GFRA2: variants seen among roughly 807,000 people sequenced by gnomAD.
GFRA2 encodes the protein GDNF family receptor alpha 2.
A neutral mutation model predicts 48.3 loss-of-function variants in GFRA2; 17 were observed. The observed-to-expected ratio is 0.35, with a 90% CI of 0.24 to 0.53. The LOEUF is 0.53. Among genes scored for constraint, GFRA2 ranks in the 20% least tolerant of loss-of-function variants. The pLI is 0.93. For synonymous variants in GFRA2, 305 were observed against 257.2 expected (o/e 1.19, Z -1.78); for missense variants, 660 against 637.3 (o/e 1.04, Z -0.38).
chr8:21,757,314 C>G (rs541628442), intron 3 of GFRA2, among the ~76,000 whole-genome samples: 1 of 152,308 alleles, frequency 6.6e-6, no homozygotes, highest in South Asian at 2.1e-4. Context: ...GGCTGTGATT[C>G]CAGACACTGG....
chr8:21,693,024 G>T lies in GFRA2; in HGVS notation c.*254C>A. 1 of 336,612 alleles carries T rather than the reference G, an allele frequency of 3.0e-6. No individual in the cohort carries two copies. The highest frequency in any genetic ancestry group is 5.4e-6 in the Non-Finnish European group (1 of 183,496). The allele number at this position is 336,612 out of a possible 1,614,324, so 20.9% of individuals were successfully genotyped here. ...GTGAAGGGCATTTCTAGAGCCTCGT[G>T]CCCTCCCCGGCACCAGAGTTTCCCC... is the stretch of plus-strand genomic sequence containing the variant. On this transcript the variant is annotated 3_prime_UTR_variant, in exon 9 of 9. Coordinates refer to ENST00000524240, the MANE Select transcript of GFRA2 (RefSeq NM_001495.5).
At chr8:21,744,537 C>T (rs1804901750) in intron 4 of GFRA2, among the ~76,000 whole-genome samples, 1 of 129,580 alleles carries the variant, frequency 7.7e-6, no homozygotes. Flanking sequence ...CCCACGACCC[C>T]CCAACCACCA....
intron 4 of GFRA2, among the ~76,000 whole-genome samples, chr8:21,720,043 C>T (rs1803519477): frequency 1.3e-5 from 2 of 152,230 alleles, no homozygotes; most frequent in Admixed American, 1.3e-4. Context: ...CCAACATTGC[C>T]TCTCCCTTCA....
rs1563209422 is a variant in GFRA2 at position 21,694,075 on chromosome 8, T to TATATATATATA, written c.1272+388_1272+389insTATATATATAT. Among the ~76,000 whole-genome samples, 75 of 49,126 alleles carry TATATATATATA rather than the reference T, an allele frequency of 1.5e-3. 3 individuals carry two copies. Among genetic ancestry groups the TATATATATATA allele is most frequent in the African/African-American group, 6.7e-3 (61 of 9,056 alleles). 32.2% of individuals were successfully genotyped at this position (49,126 alleles called of 152,430 possible). On this transcript the variant is annotated intron_variant, in intron 8 of 8. Transcript: ENST00000524240. ...TATATTTATATATATATTTATTTAT[T>TATATATATATA]TTTATATATATATATATTTCCTATA...
chr8:21,747,756 CCACACACA>C (rs61578379), intron 4 of GFRA2, among the ~76,000 whole-genome samples: 3,162 of 139,134 alleles, frequency 0.023, 84 homozygotes, highest in African/African-American at 0.06. Context: ...CCATCTTCCA[CCACACACA>C]CACACACACA....
intron 3 of GFRA2, among the ~76,000 whole-genome samples, chr8:21,760,629 G>A (rs550468667): frequency 6.6e-6 from 1 of 152,318 alleles, no homozygotes; most frequent in East Asian, 1.9e-4. Context: ...CAGGGATGTT[G>A]AATAGGCAGA....
chr8:21,788,674 G>GA lies in GFRA2; in HGVS notation c.-516dup, dbSNP rs1384465071. 98 of 985,992 alleles carry GA rather than the reference G, an allele frequency of 9.9e-5. No individual in the cohort carries two copies. Among genetic ancestry groups the GA allele is most frequent in the Non-Finnish European group, 1.1e-4 (92 of 830,436 alleles). 61.1% of individuals were successfully genotyped at this position (985,992 alleles called of 1,614,324 possible). On this transcript the variant is annotated 5_prime_UTR_variant, in exon 1 of 9. Transcript: ENST00000524240. ...AGAACAATCCAGTCGGAGCTTCGAG[G>GA]ACGAGAGACTGGAGTCGCTTCTTTC... is the stretch of plus-strand genomic sequence containing the variant.
chr8:21,692,542 A>G lies in GFRA2; in HGVS notation c.*736T>C, dbSNP rs1291246709. On this transcript the variant is annotated 3_prime_UTR_variant, in exon 9 of 9. Transcript: ENST00000524240. ...ACTTCAAAATTTCTGCCACCGAGAAAGAAGCTGGTGCCCAAGTTTTAATGC... is the reference window on the plus strand; with the variant it reads ...ACTTCAAAATTTCTGCCACCGAGAAGGAAGCTGGTGCCCAAGTTTTAATGC... The G allele has an allele frequency of 6.6e-6, 1 of 152,036 alleles. No individual in the cohort carries two copies. Among genetic ancestry groups the G allele is most frequent in the East Asian group, 1.9e-4 (1 of 5,160 alleles). The allele number at this position is 152,036 out of a possible 1,614,324, so 9.4% of individuals were successfully genotyped here.
Position 21,759,754 on chromosome 8 carries a change from T to C in GFRA2, c.440-8812A>G, listed in dbSNP as rs528406663. 5.9e-5 allele frequency among the ~76,000 whole-genome samples: 9 copies of C among 151,756 alleles called. No homozygotes were observed. The South Asian group carries it at 1.7e-3, about 28-fold the overall frequency. ...AAATACAAAAATGAGCCGAGTGTGG[T>C]GGCATGTGCCTGTAATCCCAGCTAC... is the stretch of plus-strand genomic sequence containing the variant. On this transcript the variant is annotated intron_variant, in intron 3 of 8. Coordinates refer to ENST00000524240, the MANE Select transcript of GFRA2 (RefSeq NM_001495.5).
chr8:21,740,426 A>G (rs903440146), intron 4 of GFRA2, among the ~76,000 whole-genome samples: 2 of 152,192 alleles, frequency 1.3e-5, no homozygotes, highest in Non-Finnish European at 2.9e-5. Flanking sequence ...ACTTCTGTGT[A>G]AGAGTCACCA....
Position 21,788,335 on chromosome 8 carries a change from G to GAGGGGGTGGGGTGAGAGGC in GFRA2, c.-195_-177dup. The GAGGGGGTGGGGTGAGAGGC allele has an allele frequency of 7.3e-7, 1 of 1,378,020 alleles. No homozygotes were observed. The highest frequency in any genetic ancestry group is 9.4e-7 in the Non-Finnish European group (1 of 1,069,022). The allele number at this position is 1,378,020 out of a possible 1,614,324, so 85.4% of individuals were successfully genotyped here. A position where few individuals can be genotyped will look rare whatever the true frequency, so the allele number is the denominator to read the frequency against. Reference sequence around the variant, plus strand: ...GTCCTGCGATTCTCGCCTCTGGCTGGAGGGGGTGGGGTGAGAGGCGGGCGA... The same window carrying GAGGGGGTGGGGTGAGAGGC: ...GTCCTGCGATTCTCGCCTCTGGCTGGAGGGGGTGGGGTGAGAGGCAGGGGGTGGGGTGAGAGGCGGGCGA... On this transcript the variant is annotated 5_prime_UTR_variant, in exon 1 of 9. Transcript: ENST00000524240.
intron 6 of GFRA2, 137 bp downstream of exon 6, chr8:21,704,848 C>T: frequency 1.4e-6 from 1 of 719,350 alleles, no homozygotes; most frequent in Non-Finnish European, 2.4e-6. Flanking sequence ...CCCAAGGTCC[C>T]CACGGGCAAC....
intron 3 of GFRA2, among the ~76,000 whole-genome samples, chr8:21,753,251 G>T (rs570346461): frequency 3.9e-5 from 6 of 152,282 alleles, no homozygotes; most frequent in African/African-American, 1.2e-4. Flanking sequence ...ATGTGGCTGG[G>T]TCATTTCACA....
At chr8:21,747,201 G>A (rs764748879) in intron 4 of GFRA2, among the ~76,000 whole-genome samples, 57 of 152,098 alleles carry the variant, frequency 3.7e-4, no homozygotes, top group Admixed American at 1.5e-3. Context: ...AGCCCCCAAG[G>A]TCATTTTAGC....
chr8:21,808,873 C>T (rs528416990), intron 1 of GFRA2, among the ~76,000 whole-genome samples: 3 of 152,322 alleles, frequency 2.0e-5, no homozygotes, highest in East Asian at 1.9e-4. Flanking sequence ...CACACTGCTA[C>T]GAGTGACAAT....
chr8:21,725,982 C>T (rs1031747883), intron 4 of GFRA2, among the ~76,000 whole-genome samples: 5 of 152,208 alleles, frequency 3.3e-5, no homozygotes, highest in Non-Finnish European at 7.3e-5. Flanking sequence ...TCCTGAGTGT[C>T]CCCCTGAGCT....
chr8:21,786,702 C>T (rs1807286481), intron 1 of GFRA2, among the ~76,000 whole-genome samples: 1 of 152,156 alleles, frequency 6.6e-6, no homozygotes, highest in Non-Finnish European at 1.5e-5. Context: ...CCCTTGGGGA[C>T]TCGCACCTGG....
intron 3 of GFRA2, among the ~76,000 whole-genome samples, chr8:21,771,437 A>G (rs1375257386): frequency 6.6e-6 from 1 of 152,160 alleles, no homozygotes; most frequent in Non-Finnish European, 1.5e-5. Context: ...GGACACAGCC[A>G]CACTGCTCCC....
chr8:21,728,025 C>A (rs1478071448), intron 4 of GFRA2, among the ~76,000 whole-genome samples: 2 of 152,104 alleles, frequency 1.3e-5, no homozygotes, highest in African/African-American at 4.8e-5. Context: ...ATAAACTCCT[C>A]ATCACATACA....
Sources: gnomAD v4.1 joint callset for allele counts (sites outside exome capture counted in the v4.1 genomes callset) on GRCh38, gnomAD v4.1.1 for gene constraint, MANE v1.5 for transcripts, NCBI Gene and HGNC (gene_info 2026-07-23, HGNC 2026-07-21) for gene names.